LSAMP: variants seen among roughly 807,000 people sequenced by gnomAD.
LSAMP encodes limbic system associated membrane protein, also known as limbic system-associated membrane protein.
Under a neutral mutation model 38.6 loss-of-function variants are expected in LSAMP, and 7 were observed. That is an observed-to-expected ratio of 0.18 (90% CI 0.10 to 0.34). The LOEUF is 0.34. Among genes scored for constraint, LSAMP ranks in the 10% least tolerant of loss-of-function variants. LSAMP has a pLI of 1.00. For missense variants in LSAMP, 313 were observed against 420.0 expected, an observed-to-expected ratio of 0.75 and a Z score of 2.23; for synonymous variants, 154 against 166.8, an observed-to-expected ratio of 0.92 and a Z score of 0.59.
At chr3:115,865,535 G>A (rs1168727913) in intron 3 of LSAMP, among the ~76,000 whole-genome samples, 2 of 152,108 alleles carry the variant, frequency 1.3e-5, no homozygotes, top group East Asian at 3.9e-4. Flanking sequence ...ATCCAGATGT[G>A]ATCAGCTTAT....
chr3:115,911,829 A>G (rs530289769), intron 3 of LSAMP, among the ~76,000 whole-genome samples: 1 of 152,336 alleles, frequency 6.6e-6, no homozygotes, highest in African/African-American at 2.4e-5. Context: ...GATTCTTCAC[A>G]TCCTTCTCAT....
chr3:116,157,573 A>C (rs905239959), intron 1 of LSAMP, among the ~76,000 whole-genome samples: 5 of 152,224 alleles, frequency 3.3e-5, no homozygotes, highest in East Asian at 1.9e-4. Context: ...AACGTAAAAC[A>C]GAAATAAGTA....
chr3:115,940,486 G>T (rs892725220), intron 3 of LSAMP, among the ~76,000 whole-genome samples: 1 of 152,138 alleles, frequency 6.6e-6, no homozygotes, highest in African/African-American at 2.4e-5. Context: ...AGACACAAAA[G>T]TTCTCCAAGT....
rs1281167273 is a variant in LSAMP, at chr3:115,809,036, G to A, written c.*1281C>T. The A allele has an allele frequency of 6.6e-6, 1 of 152,186 alleles. No individual in the cohort carries two copies. Among genetic ancestry groups the A allele is most frequent in the Non-Finnish European group, 1.5e-5 (1 of 68,040 alleles). The allele number at this position is 152,186 out of a possible 1,614,324, so 9.4% of individuals were successfully genotyped here. ...GTTCATCATTCTTTCACTGGGAGTT[G>A]ACACTTGGAGACCTTCCTGTTTCTG... On this transcript the variant is annotated 3_prime_UTR_variant, in exon 7 of 7. Transcript: ENST00000490035.
chr3:115,926,552 A>G (rs563017993), intron 3 of LSAMP, among the ~76,000 whole-genome samples: 2 of 152,222 alleles, frequency 1.3e-5, no homozygotes, highest in Non-Finnish European at 2.9e-5. Flanking sequence ...GAGCCTTTTG[A>G]AAAAATAGGC....
chr3:116,086,651 A>G, intron 1 of LSAMP, 95 bp from the exon 2 acceptor site: 1 of 904,192 alleles, frequency 1.1e-6, no homozygotes, highest in Non-Finnish European at 1.8e-6. Context: ...AAACAAGGAA[A>G]ATAATTATAT....
At chr3:116,033,326 C>T (rs1251977077) in intron 2 of LSAMP, among the ~76,000 whole-genome samples, 1 of 152,134 alleles carries the variant, frequency 6.6e-6, no homozygotes, top group Non-Finnish European at 1.5e-5. Context: ...GGGCAAGCCT[C>T]TCATTAATCT....
intron 5 of LSAMP, 137 bp from the exon 6 acceptor site, chr3:115,842,130 A>G (rs946704390): frequency 1.2e-6 from 1 of 866,866 alleles, no homozygotes. Flanking sequence ...CCCAATTCCT[A>G]TTTTAACTGT....
At chr3:115,925,695 T>C (rs1937483295) in intron 3 of LSAMP, among the ~76,000 whole-genome samples, 1 of 152,192 alleles carries the variant, frequency 6.6e-6, no homozygotes, top group Non-Finnish European at 1.5e-5. Flanking sequence ...CACTGAGTTA[T>C]TGGCTTATTT....
chr3:116,246,453 TCTC>T (rs1576457569), intron 1 of LSAMP, among the ~76,000 whole-genome samples: 1 of 152,156 alleles, frequency 6.6e-6, no homozygotes, highest in African/African-American at 2.4e-5. Flanking sequence ...TGATTTAAAA[TCTC>T]CTACCTTTTT....
intron 3 of LSAMP, among the ~76,000 whole-genome samples, chr3:115,895,742 A>G (rs1296506350): frequency 6.6e-6 from 1 of 152,074 alleles, no homozygotes; most frequent in East Asian, 1.9e-4. Flanking sequence ...CTGTAAGACC[A>G]TATTTATCCA....
At position 115,806,183 on chromosome 3, in the gene LSAMP, C is replaced by G. The variant is rs1365678139; in HGVS notation, c.*4134G>C. On this transcript the variant is annotated 3_prime_UTR_variant, in exon 7 of 7. Coordinates refer to ENST00000490035, the MANE Select transcript of LSAMP (RefSeq NM_002338.5). ...ATTACAAAACGGAAAAAGTGGGGCT[C>G]TATGTCTTTCTACGTGAGCATAGAT... 6.6e-6 allele frequency: 1 copy of G among 152,184 alleles called. No homozygotes were observed. Among genetic ancestry groups the G allele is most frequent in the Non-Finnish European group, 1.5e-5 (1 of 68,026 alleles). The allele number at this position is 152,184 out of a possible 1,614,324, so 9.4% of individuals were successfully genotyped here.
chr3:115,842,691 T>A, intron 4 of LSAMP, 113 bp from the exon 5 acceptor site: 1 of 1,334,800 alleles, frequency 7.5e-7, no homozygotes, highest in Non-Finnish European at 1.0e-6. Flanking sequence ...AAGGGAGCCA[T>A]CTTAAAGCTC....
intron 3 of LSAMP, among the ~76,000 whole-genome samples, chr3:115,881,215 A>T (rs1478261992): frequency 6.6e-6 from 1 of 152,092 alleles, no homozygotes; most frequent in Non-Finnish European, 1.5e-5. Context: ...TAAGGGTGGC[A>T]TGTGACCATG....
chr3:116,040,104 G>C (rs1441018132), intron 2 of LSAMP, among the ~76,000 whole-genome samples: 1 of 152,154 alleles, frequency 6.6e-6, no homozygotes, highest in Non-Finnish European at 1.5e-5. Flanking sequence ...CATACCCAAA[G>C]AGAAAGCAAA....
intron 3 of LSAMP, among the ~76,000 whole-genome samples, chr3:116,006,619 T>C (rs1423319038): frequency 4.6e-5 from 7 of 152,154 alleles, no homozygotes; most frequent in Non-Finnish European, 1.0e-4. Flanking sequence ...CATCCATCCA[T>C]CTTCACCTAG....
At chr3:116,342,079 G>T (rs1273913534) in intron 1 of LSAMP, among the ~76,000 whole-genome samples, 1 of 151,984 alleles carries the variant, frequency 6.6e-6, no homozygotes, top group Non-Finnish European at 1.5e-5. Flanking sequence ...CAGACTTAGT[G>T]TGAGGTTAGT....
chr3:115,814,034 C>G (rs1171291547), intron 6 of LSAMP: 1 of 152,174 alleles, frequency 6.6e-6, no homozygotes, highest in East Asian at 1.9e-4. Flanking sequence ...CCAATCCATT[C>G]TATATGTGTG....
At chr3:116,204,821 G>T (rs2046043723) in intron 1 of LSAMP, among the ~76,000 whole-genome samples, 1 of 148,846 alleles carries the variant, frequency 6.7e-6, no homozygotes. Context: ...AGTATAGTTT[G>T]AAGTCAGGTA....
Sources: gnomAD v4.1 joint callset for allele counts (sites outside exome capture counted in the v4.1 genomes callset) on GRCh38, gnomAD v4.1.1 for gene constraint, MANE v1.5 for transcripts, NCBI Gene and HGNC (gene_info 2026-07-23, HGNC 2026-07-21) for gene names.